PDE1C: variants seen among roughly 807,000 people sequenced by gnomAD.
PDE1C encodes phosphodiesterase 1C, also known as dual specificity calcium/calmodulin-dependent 3',5'-cyclic nucleotide phosphodiesterase 1C.
In PDE1C, 62 loss-of-function variants were observed where a neutral mutation model predicts 93.1. The observed-to-expected ratio is 0.67, with a 90% CI of 0.54 to 0.82. The LOEUF (loss-of-function observed/expected upper bound fraction) is 0.82, where lower values mean the gene tolerates loss of function less well. Ranked by LOEUF, PDE1C falls within the 40% of genes least tolerant of loss-of-function variation. The probability of loss-of-function intolerance (pLI) is 0.00; values close to 1 mark genes in which losing one functional copy is unlikely to be tolerated. For missense variants in PDE1C, 742 were observed against 884.6 expected (o/e 0.84, Z 2.04); for synonymous variants, 325 against 310.1 (o/e 1.05, Z -0.50).
the PDE1C span, among the ~76,000 whole-genome samples, chr7:31,675,364 C>A: frequency 6.6e-6 from 1 of 152,112 alleles, no homozygotes; most frequent in Non-Finnish European, 1.5e-5. Context: ...AGATCCTACT[C>A]CTGGAGGCTA....
intron 2 of PDE1C, among the ~76,000 whole-genome samples, chr7:31,886,812 A>G (rs1392151984): frequency 6.9e-6 from 1 of 145,332 alleles, no homozygotes; most frequent in African/African-American, 2.6e-5. Context: ...TTCAGAATAG[A>G]TCTTTTCGGA....
chr7:31,730,278 T>C, the PDE1C span, among the ~76,000 whole-genome samples: 1 of 152,184 alleles, frequency 6.6e-6, no homozygotes, highest in Non-Finnish European at 1.5e-5. Context: ...TGTCAGCCTT[T>C]CAGCTCAAAA....
At chr7:32,391,452 A>G (rs1351188474) in intron 1 of PDE1C, among the ~76,000 whole-genome samples, 2 of 152,242 alleles carry the variant, frequency 1.3e-5, no homozygotes, top group African/African-American at 2.4e-5. Context: ...CTAGACAGAA[A>G]AGTCAGCAAG....
the PDE1C span, among the ~76,000 whole-genome samples, chr7:31,688,499 G>C: frequency 6.6e-6 from 1 of 152,224 alleles, no homozygotes; most frequent in Admixed American, 6.5e-5. Flanking sequence ...CAGCTCCGCT[G>C]GTGTGCCTGC....
chr7:31,994,574 T>C (rs1047507895), intron 2 of PDE1C, among the ~76,000 whole-genome samples: 3 of 152,184 alleles, frequency 2.0e-5, no homozygotes, highest in Admixed American at 2.0e-4. Flanking sequence ...TTGAACTATA[T>C]ATAGCAGGCT....
chr7:32,018,021 A>G (rs1788144572), intron 2 of PDE1C, among the ~76,000 whole-genome samples: 1 of 152,020 alleles, frequency 6.6e-6, no homozygotes, highest in Non-Finnish European at 1.5e-5. Flanking sequence ...TGGAGGTTGC[A>G]GTAAACCAAG....
chr7:32,195,454 T>A, intron 2 of PDE1C, among the ~76,000 whole-genome samples: 1 of 152,230 alleles, frequency 6.6e-6, no homozygotes, highest in East Asian at 1.9e-4. Flanking sequence ...TGTGCTTCCA[T>A]GGCTTCTGAT....
chr7:32,314,572 G>T (rs558830508), intron 1 of PDE1C, among the ~76,000 whole-genome samples: 1 of 152,280 alleles, frequency 6.6e-6, no homozygotes, highest in African/African-American at 2.4e-5. Flanking sequence ...TCCAGCCTTA[G>T]TCAGGCCATC....
intron 2 of PDE1C, among the ~76,000 whole-genome samples, chr7:32,180,197 A>G (rs1562553539): frequency 6.6e-6 from 1 of 152,226 alleles, no homozygotes; most frequent in Non-Finnish European, 1.5e-5. Flanking sequence ...TCAATATAGT[A>G]GTTACTGGTT....
At chr7:32,113,702 C>T (rs1798817002) in intron 3 of PDE1C, among the ~76,000 whole-genome samples, 1 of 151,972 alleles carries the variant, frequency 6.6e-6, no homozygotes, top group Non-Finnish European at 1.5e-5. Context: ...AGTCGTTTTT[C>T]CCTACTCAGA....
rs1156625491 is a variant in PDE1C, at chr7:32,420,124, T to TACACAC, written c.310+7692_310+7697dup. Among the ~76,000 whole-genome samples, 38 of 13,088 alleles carry TACACAC rather than the reference T, an allele frequency of 2.9e-3. 6 individuals carry two copies. Among genetic ancestry groups the TACACAC allele is most frequent in the African/African-American group, 7.1e-3 (29 of 4,096 alleles). The allele number at this position is 13,088 out of a possible 152,430, so 8.6% of individuals were successfully genotyped here. On this transcript the variant is annotated intron_variant, in intron 1 of 1. Transcript: ENST00000672256. ...ATATATATATATATATATATATATATACACACACACACACACACACACACA... is the reference window on the plus strand; with the variant it reads ...ATATATATATATATATATATATATATACACACACACACACACACACACACACACACA...
intron 1 of PDE1C, among the ~76,000 whole-genome samples, chr7:32,228,450 A>T (rs186574160): frequency 6.6e-6 from 1 of 152,302 alleles, no homozygotes; most frequent in Admixed American, 6.5e-5. Flanking sequence ...CCATCTTACA[A>T]ATGAGACAAC....
intron 5 of PDE1C, among the ~76,000 whole-genome samples, chr7:31,875,303 T>C (rs992965412): frequency 1.3e-5 from 2 of 152,162 alleles, no homozygotes; most frequent in Non-Finnish European, 2.9e-5. Flanking sequence ...CCAAGATTTA[T>C]TCTGAATATC....
rs189181679 is a variant in PDE1C at position 32,002,075 on chromosome 7, G to A, written c.128+49479C>T. 5.6e-3 allele frequency among the ~76,000 whole-genome samples: 849 copies of A among 152,066 alleles called. 1 individual carries two copies. The highest frequency in any genetic ancestry group is 8.0e-3 in the Non-Finnish European group (547 of 67,974). On this transcript the variant is annotated intron_variant, in intron 2 of 17. Coordinates refer to ENST00000396191, the MANE Select transcript of PDE1C (RefSeq NM_001191057.4). ...CTCTGTCTCAAAACAACAAAAAACC[G>A]CAATAGATCTGACTTAGTGCTGAAG...
intron 1 of PDE1C, among the ~76,000 whole-genome samples, chr7:32,413,485 A>G (rs1785213966): frequency 6.6e-6 from 1 of 152,210 alleles, no homozygotes; most frequent in Non-Finnish European, 1.5e-5. Context: ...AAGAGCAAAT[A>G]CAATATGATT....
At chr7:31,627,611 G>C in the PDE1C span, among the ~76,000 whole-genome samples, 1 of 132,648 alleles carries the variant, frequency 7.5e-6, no homozygotes, top group Non-Finnish European at 1.5e-5. Flanking sequence ...AGTAAGCTGC[G>C]ATCATGCCAC....
At chr7:32,068,403 G>T (rs1374173772) in intron 1 of PDE1C, among the ~76,000 whole-genome samples, 2 of 151,806 alleles carry the variant, frequency 1.3e-5, no homozygotes, top group East Asian at 1.9e-4. Context: ...TGTTTAAAAA[G>T]AAGAAGAAGA....
intron 1 of PDE1C, among the ~76,000 whole-genome samples, chr7:32,342,390 C>A (rs1037679189): frequency 1.7e-5 from 2 of 119,746 alleles, no homozygotes; most frequent in Admixed American, 1.0e-4. Context: ...CCTTCAAATA[C>A]TTTTCCTATA....
At chr7:32,117,189 G>T (rs1426179522) in intron 3 of PDE1C, among the ~76,000 whole-genome samples, 3 of 152,132 alleles carry the variant, frequency 2.0e-5, no homozygotes, top group Admixed American at 6.5e-5. Context: ...CTCTGTAGAG[G>T]TTTTGTTTTA....
Sources: gnomAD v4.1 joint callset for allele counts (sites outside exome capture counted in the v4.1 genomes callset) on GRCh38, gnomAD v4.1.1 for gene constraint, MANE v1.5 for transcripts, NCBI Gene and HGNC (gene_info 2026-07-23, HGNC 2026-07-21) for gene names.